CALN1: variants seen among roughly 807,000 people sequenced by gnomAD.
CALN1 encodes the protein calcium-binding protein 8.
CALN1 carries 17 observed loss-of-function variants against 30.6 expected under a neutral mutation model. The ratio of observed to expected loss-of-function variants is 0.56; its 90% CI spans 0.38 to 0.83. The LOEUF is 0.83. CALN1 is among the 40% of genes least tolerant of loss of function. CALN1 has a pLI of 0.00. For missense variants in CALN1, 291 were observed against 354.9 expected (o/e 0.82, Z 1.45); for synonymous variants, 156 against 131.4 (o/e 1.19, Z -1.28).
chr7:72,140,730 G>C (rs1585024036), intron 3 of CALN1, among the ~76,000 whole-genome samples: 1 of 152,302 alleles, frequency 6.6e-6, no homozygotes, highest in East Asian at 1.9e-4. Flanking sequence ...GGTGGCCTTG[G>C]CAGGGCCCTG....
intron 5 of CALN1, among the ~76,000 whole-genome samples, chr7:71,885,437 C>A (rs944339512): frequency 6.6e-6 from 1 of 152,210 alleles, no homozygotes; most frequent in Non-Finnish European, 1.5e-5. Context: ...CAGGCGTGAG[C>A]CACCGCCCCC....
the CALN1 span, among the ~76,000 whole-genome samples, chr7:72,471,292 C>A: frequency 3.3e-5 from 5 of 152,074 alleles, no homozygotes; most frequent in Non-Finnish European, 7.4e-5. Flanking sequence ...TCAAGGATAC[C>A]CCTAGGTTGA....
At chr7:71,966,039 G>GA (rs34868790) in intron 5 of CALN1, among the ~76,000 whole-genome samples, 22,358 of 152,074 alleles carry the variant, frequency 0.15, 1,853 homozygotes, top group Middle Eastern at 0.23. Context: ...ATACTCAATA[G>GA]AAAAATCAGC....
intron 3 of CALN1, among the ~76,000 whole-genome samples, chr7:72,117,646 G>C (rs1271337288): frequency 6.6e-6 from 1 of 152,004 alleles, no homozygotes; most frequent in African/African-American, 2.4e-5. Flanking sequence ...TTTATTTTTG[G>C]TTTACATTGC....
chr7:72,377,510 A>T (rs1804640396), intron 2 of CALN1, among the ~76,000 whole-genome samples: 1 of 150,532 alleles, frequency 6.6e-6, no homozygotes, highest in East Asian at 2.0e-4. Flanking sequence ...AATGCTGAAC[A>T]TTTTTTTGAC....
intron 5 of CALN1, among the ~76,000 whole-genome samples, chr7:71,904,058 T>G (rs2107880): frequency 0.31 from 47,525 of 152,100 alleles, 8,509 homozygotes; most frequent in East Asian, 0.53. Context: ...AACAAATGTT[T>G]GGAAGATGGG....
At chr7:72,057,701 G>A (rs1291581109) in intron 4 of CALN1, among the ~76,000 whole-genome samples, 3 of 149,462 alleles carry the variant, frequency 2.0e-5, no homozygotes, top group Non-Finnish European at 4.4e-5. Flanking sequence ...TTACAATAAT[G>A]AGTGTAGAAG....
upstream of CALN1, among the ~76,000 whole-genome samples, chr7:72,451,093 A>G (rs935936118): frequency 2.6e-5 from 4 of 151,352 alleles, no homozygotes; most frequent in South Asian, 2.1e-4. Flanking sequence ...AAGAAGGAGG[A>G]GGGGGAGGAG....
At chr7:72,205,670 G>A (rs1413242828) in intron 3 of CALN1, among the ~76,000 whole-genome samples, 1 of 146,254 alleles carries the variant, frequency 6.8e-6, no homozygotes, top group Non-Finnish European at 1.5e-5. Flanking sequence ...CTTTTTTAAT[G>A]CTTTAAGTTT....
chr7:72,157,731 CAGTT>C (rs757420154), intron 3 of CALN1, among the ~76,000 whole-genome samples: 46 of 151,968 alleles, frequency 3.0e-4, no homozygotes, highest in Middle Eastern at 3.4e-3. Flanking sequence ...GAAAGTTAGT[CAGTT>C]AGTTTGTTTG....
chr7:72,145,781 G>A (rs1179691216), intron 3 of CALN1, among the ~76,000 whole-genome samples: 284 of 152,308 alleles, frequency 1.9e-3, no homozygotes, highest in Non-Finnish European at 4.1e-4. Context: ...CCATGATCAA[G>A]TGGGCTTCAT....
Position 72,106,138 on chromosome 7 carries a change from G to A in CALN1, c.388+13C>T, listed in dbSNP as rs1432363125. On this transcript the variant is annotated intron_variant, in intron 4 of 6. Coordinates refer to ENST00000395275, the MANE Select transcript of CALN1 (RefSeq NM_031468.4). ...GCATGTCTCAGGGGAGAAGCTGCTT[G>A]TCCGGGTCTTACCGTCCATGTCCAA... 6.2e-7 allele frequency: 1 copy of A among 1,612,508 alleles called. No individual in the cohort carries two copies. Among genetic ancestry groups the A allele is most frequent in the Non-Finnish European group, 8.5e-7 (1 of 1,179,340 alleles).
intron 5 of CALN1, among the ~76,000 whole-genome samples, chr7:71,903,880 G>A (rs6965098): frequency 0.2 from 29,978 of 152,004 alleles, 3,155 homozygotes; most frequent in African/African-American, 0.25. Flanking sequence ...TTCAAAAATA[G>A]GCAAAAGACC....
chr7:72,402,912 T>C (rs73364971), intron 2 of CALN1, among the ~76,000 whole-genome samples: 4,348 of 152,282 alleles, frequency 0.029, 198 homozygotes, highest in African/African-American at 0.098. Context: ...TGAGAATTGA[T>C]TGAAATTGTC....
chr7:72,126,822 T>C (rs927025023), intron 3 of CALN1, among the ~76,000 whole-genome samples: 1 of 150,276 alleles, frequency 6.7e-6, no homozygotes, highest in Non-Finnish European at 1.5e-5. Context: ...GTGGGAGGGG[T>C]TGAGGGATGA....
intron 5 of CALN1, among the ~76,000 whole-genome samples, chr7:71,855,840 G>C (rs1454604751): frequency 1.3e-5 from 2 of 152,162 alleles, no homozygotes. Context: ...AAATTGGTCA[G>C]AGTTGATTTC....
chr7:72,060,530 T>C (rs575073620), intron 4 of CALN1, among the ~76,000 whole-genome samples: 1 of 152,302 alleles, frequency 6.6e-6, no homozygotes, highest in South Asian at 2.1e-4. Context: ...CATGCCTGTC[T>C]AACCCTAAAC....
intron 5 of CALN1, among the ~76,000 whole-genome samples, chr7:71,840,755 T>C (rs1203491461): frequency 1.3e-5 from 2 of 152,140 alleles, no homozygotes; most frequent in African/African-American, 2.4e-5. Context: ...GCAGCACTTA[T>C]GAAATTTTTT....
chr7:71,922,790 G>T (rs565909280), intron 5 of CALN1, among the ~76,000 whole-genome samples: 6 of 125,504 alleles, frequency 4.8e-5, no homozygotes, highest in South Asian at 2.7e-4. Flanking sequence ...ATATATAACA[G>T]ACCGAATATA....
Sources: allele counts gnomAD v4.1 joint callset (sites outside exome capture counted in the v4.1 genomes callset), GRCh38; gene constraint gnomAD v4.1.1; transcripts MANE v1.5; gene names NCBI Gene and HGNC (gene_info 2026-07-23, HGNC 2026-07-21).